Variants in TBC1D5 observed in about 807,000 individuals in gnomAD.
The protein encoded by TBC1D5 is TBC1 domain family, member 5.
TBC1D5 carries 75 observed loss-of-function variants against 100.3 expected under a neutral mutation model. The ratio of observed to expected loss-of-function variants is 0.75; its 90% confidence interval spans 0.62 to 0.91. The LOEUF (loss-of-function observed/expected upper bound fraction) is 0.91, where lower values mean the gene tolerates loss of function less well. TBC1D5 is among the 40% of genes least tolerant of loss of function. TBC1D5 has a pLI of 0.00. For synonymous variants in TBC1D5, 323 were observed against 325.6 expected, an observed-to-expected ratio of 0.99 and a Z score of 0.09; for missense variants, 910 against 942.4, an observed-to-expected ratio of 0.97 and a Z score of 0.45.
chr3:17,447,458 T>C (rs1242434919), intron 3 of TBC1D5, among the ~76,000 whole-genome samples: 1 of 152,080 alleles, frequency 6.6e-6, no homozygotes, highest in African/African-American at 2.4e-5. Flanking sequence ...AGGCCACAGG[T>C]AGAAGAACTG....
rs188003708 is a variant in TBC1D5, at chr3:17,378,157, C to G, written c.613-1544G>C. ...GATAAAGGGGGAGAAGGAGGCCAGACAAAAACCAAAAGTTAAGAAATAAAT... is the reference window on the plus strand; with the variant it reads ...GATAAAGGGGGAGAAGGAGGCCAGAGAAAAACCAAAAGTTAAGAAATAAAT... On this transcript the variant is annotated intron_variant, in intron 9 of 21. Transcript: ENST00000253692. Among the ~76,000 whole-genome samples the G allele has an allele frequency of 7.9e-4, 120 of 151,852 alleles. 2 individuals carry two copies. In the East Asian group the frequency reaches 0.012, roughly 15 times the overall value.
intron 1 of TBC1D5, among the ~76,000 whole-genome samples, chr3:17,653,128 T>C (rs1451402209): frequency 1.3e-5 from 2 of 152,060 alleles, no homozygotes; most frequent in Admixed American, 6.6e-5. Context: ...AATAGGTAAA[T>C]CTACATAGTC....
rs954764138 is a variant in TBC1D5 at position 17,413,177 on chromosome 3, A to G, written c.168-6651T>C. Among the ~76,000 whole-genome samples the G allele has an allele frequency of 2.6e-5, 4 of 152,312 alleles. No homozygotes were observed. The East Asian group carries it at 7.7e-4, about 29-fold the overall frequency. On this transcript the variant is annotated intron_variant, in intron 4 of 21. Transcript: ENST00000253692. ...TACTTGGTCCCTGAAAACAATCAGC[A>G]TCTAAGCAGGGAAAGGTGAAGATGA...
At chr3:17,742,216 T>G (rs867844509), upstream of TBC1D5, among the ~76,000 whole-genome samples, 1 of 151,886 alleles carries the variant, frequency 6.6e-6, no homozygotes, top group Admixed American at 6.6e-5. Context: ...CCTCCCGCCA[T>G]CCACCCCCGA....
At chr3:17,664,812 A>T (rs148870307) in intron 1 of TBC1D5, among the ~76,000 whole-genome samples, 2 of 152,314 alleles carry the variant, frequency 1.3e-5, no homozygotes, top group African/African-American at 4.8e-5. Flanking sequence ...ATCTAAGTCA[A>T]AAAGGAATTT....
chr3:17,522,124 A>G, intron 2 of TBC1D5, among the ~76,000 whole-genome samples: 1 of 152,224 alleles, frequency 6.6e-6, no homozygotes, highest in Middle Eastern at 3.4e-3. Context: ...GTAAAAAATG[A>G]TAGTCACTTA....
intron 17 of TBC1D5, among the ~76,000 whole-genome samples, chr3:17,236,686 A>G (rs2075883593): frequency 6.6e-6 from 1 of 152,074 alleles, no homozygotes; most frequent in Admixed American, 6.6e-5. Flanking sequence ...GGGTTTCACC[A>G]TGTTGGCCAG....
intron 13 of TBC1D5, among the ~76,000 whole-genome samples, chr3:17,323,277 A>G (rs1444246613): frequency 2.0e-5 from 3 of 152,238 alleles, no homozygotes; most frequent in Admixed American, 6.5e-5. Context: ...GGCCAGCATT[A>G]CTGGCATTCC....
At chr3:17,452,842 TC>T (rs2094959116) in intron 3 of TBC1D5, among the ~76,000 whole-genome samples, 1 of 152,012 alleles carries the variant, frequency 6.6e-6, no homozygotes, top group Non-Finnish European at 1.5e-5. Flanking sequence ...GAACATTTCA[TC>T]CAACAGGTTC....
intron 3 of TBC1D5, among the ~76,000 whole-genome samples, chr3:17,443,327 T>G (rs2094708400): frequency 6.6e-6 from 1 of 152,204 alleles, no homozygotes; most frequent in Non-Finnish European, 1.5e-5. Context: ...CTATGTGGGC[T>G]CTAGATTGAC....
chr3:17,495,902 T>C (rs895103116), intron 3 of TBC1D5, among the ~76,000 whole-genome samples: 16 of 152,352 alleles, frequency 1.1e-4, no homozygotes, highest in African/African-American at 3.8e-4. Context: ...CTAAACTCTA[T>C]TAAAAATTTC....
chr3:17,703,910 T>A (rs1183976703), intron 1 of TBC1D5, among the ~76,000 whole-genome samples: 1 of 108,156 alleles, frequency 9.2e-6, no homozygotes, highest in African/African-American at 2.8e-5. Flanking sequence ...TGTGTTTTTT[T>A]TTTGTTTTTT....
chr3:17,538,174 C>G (rs1026817286), intron 2 of TBC1D5, among the ~76,000 whole-genome samples: 3 of 151,984 alleles, frequency 2.0e-5, no homozygotes, highest in East Asian at 1.9e-4. Context: ...GACTGTCAGG[C>G]GACCATGAGG....
intron 14 of TBC1D5, among the ~76,000 whole-genome samples, chr3:17,293,495 C>A (rs1388326851): frequency 6.6e-6 from 1 of 152,130 alleles, no homozygotes; most frequent in African/African-American, 2.4e-5. Context: ...TTTATTTGAA[C>A]CTTTCATCAA....
At chr3:17,531,815 A>G (rs1010575995) in intron 2 of TBC1D5, among the ~76,000 whole-genome samples, 8 of 152,356 alleles carry the variant, frequency 5.3e-5, no homozygotes, top group Non-Finnish European at 1.2e-4. Context: ...CCTTCCTTAC[A>G]CTTTATACAA....
At chr3:17,487,233 GA>G (rs2095580667) in intron 3 of TBC1D5, among the ~76,000 whole-genome samples, 1 of 152,096 alleles carries the variant, frequency 6.6e-6, no homozygotes, top group Non-Finnish European at 1.5e-5. Context: ...CGCTATTCTA[GA>G]GAATAATCTA....
rs144199653 is a variant in TBC1D5 at position 17,715,658 on chromosome 3, G to A, written c.-101+23685C>T. On this transcript the variant is annotated intron_variant, in intron 1 of 21. Transcript: ENST00000253692. ...TCCATCTACAAAAACAAAAAAATTA[G>A]CCAGGCCTGGTAGCACACCTGTAGT... is the stretch of plus-strand genomic sequence containing the variant. Among the ~76,000 whole-genome samples the A allele has an allele frequency of 9.2e-3, 1,401 of 152,168 alleles. 53 individuals are homozygous for A. The highest frequency in any genetic ancestry group is 0.071 in the Admixed American group (1,088 of 15,284).
chr3:17,300,235 CTAG>C (rs1195462591), intron 14 of TBC1D5, among the ~76,000 whole-genome samples: 1 of 151,988 alleles, frequency 6.6e-6, no homozygotes, highest in Non-Finnish European at 1.5e-5. Context: ...AGGAAGAGAC[CTAG>C]TAGTCAGGAA....
chr3:17,601,368 G>A (rs1166726307), intron 2 of TBC1D5, among the ~76,000 whole-genome samples: 2 of 152,100 alleles, frequency 1.3e-5, no homozygotes, highest in African/African-American at 4.8e-5. Flanking sequence ...AAAATTAGCC[G>A]GGCGTGGTGG....
Sources: allele counts gnomAD v4.1 joint callset (sites outside exome capture counted in the v4.1 genomes callset), GRCh38; gene constraint gnomAD v4.1.1; transcripts MANE v1.5; gene names NCBI Gene and HGNC (gene_info 2026-07-23, HGNC 2026-07-21).